The following TENT5C variants were observed in gnomAD, a reference collection of about 807,000 sequenced individuals.
The protein encoded by TENT5C is family with sequence similarity 46 member C.
Under a neutral mutation model 22.2 loss-of-function variants are expected in TENT5C, and 5 were observed. The ratio of observed to expected loss-of-function variants is 0.22; its 90% CI spans 0.12 to 0.47. The LOEUF (loss-of-function observed/expected upper bound fraction) is 0.47. TENT5C is among the 20% of genes least tolerant of loss of function. The pLI, the probability that TENT5C is intolerant of heterozygous loss-of-function variation, is 0.99. For missense variants in TENT5C, 364 were observed against 500.9 expected, an observed-to-expected ratio of 0.73 and a Z score of 2.61; for synonymous variants, 199 against 195.4, an observed-to-expected ratio of 1.02 and a Z score of -0.15.
At chr1:117,611,593 G>T (rs1653672489) in intron 1 of TENT5C, among the ~76,000 whole-genome samples, 1 of 152,194 alleles carries the variant, frequency 6.6e-6, no homozygotes. Flanking sequence ...GTAACCTCAG[G>T]ACTTTGGGAG....
intron 1 of TENT5C, among the ~76,000 whole-genome samples, chr1:117,614,726 C>G (rs1653744111): frequency 6.6e-6 from 1 of 152,142 alleles, no homozygotes; most frequent in South Asian, 2.1e-4. Flanking sequence ...TTCCTTTATT[C>G]CATGAGCAAA....
intron 1 of TENT5C, among the ~76,000 whole-genome samples, chr1:117,614,359 A>G (rs567870129): frequency 3.9e-5 from 6 of 152,340 alleles, no homozygotes; most frequent in Admixed American, 2.0e-4. Flanking sequence ...ACCAAGGTCC[A>G]TGGTCATTCG....
rs1333670174 is a variant in TENT5C at position 117,628,322 on chromosome 1, G to C, written c.*4278G>C. 8.1e-6 allele frequency: 2 copies of C among 245,564 alleles called. No individual in the cohort carries two copies. The highest frequency in any genetic ancestry group is 1.7e-5 in the Non-Finnish European group (2 of 116,608). 15.2% of individuals were successfully genotyped at this position (245,564 alleles called of 1,614,324 possible). A position where few individuals can be genotyped will look rare whatever the true frequency, so the allele number is the denominator to read the frequency against. On this transcript the variant is annotated 3_prime_UTR_variant, in exon 2 of 2. Transcript: ENST00000369448. Reference sequence around the variant, plus strand: ...GTCAATGCAAAATGTGTTAGAACTTGATAAAGCTTTGAGTTTGAGAAATAA... The same window carrying C: ...GTCAATGCAAAATGTGTTAGAACTTCATAAAGCTTTGAGTTTGAGAAATAA...
intron 1 of TENT5C, among the ~76,000 whole-genome samples, chr1:117,622,561 C>T (rs943957698): frequency 1.3e-5 from 2 of 152,056 alleles, no homozygotes; most frequent in East Asian, 1.9e-4. Flanking sequence ...TTGAAACACA[C>T]TCCGTTTCAG....
rs141165173 is a variant in TENT5C, at chr1:117,623,786, C to T, written c.918C>T (p.Tyr306=). The T allele has an allele frequency of 2.5e-5, 41 of 1,614,074 alleles. No homozygotes were observed. In the African/African-American group the frequency reaches 4.7e-4, roughly 18 times the overall value. Residue 306 remains tyrosine (Y), a synonymous_variant, in exon 2 of 2, where the codon TAC becomes TAT. Coordinates refer to ENST00000369448, the MANE Select transcript of TENT5C (RefSeq NM_017709.4). ...AAGAAGAGAGAAGCAAGTACGACTA[C>T]CTCATGATCCTTCGCAGGGTGGTGA... ...FAEEERSKYD[Y]LMILRRVVNE...
rs200082507 is a variant in TENT5C at position 117,623,780 on chromosome 1, C to T, written c.912C>T (p.Tyr304=). 314 of 1,614,160 alleles carry T rather than the reference C, an allele frequency of 1.9e-4. No individual in the cohort carries two copies. Among genetic ancestry groups the T allele is most frequent in the South Asian group, 7.7e-5 (7 of 91,086 alleles). Residue 304 remains tyrosine, a synonymous_variant, in exon 2 of 2, where the codon TAC becomes TAT. Transcript: ENST00000369448. ...NHFAEEERSK[Y]DYLMILRRVV... is the part of the protein sequence containing the mutation. ...TCGCTGAAGAAGAGAGAAGCAAGTA[C>T]GACTACCTCATGATCCTTCGCAGGG...
chr1:117,628,243 G>T lies in TENT5C; in HGVS notation c.*4199G>T. 4.0e-6 allele frequency: 1 copy of T among 247,296 alleles called. No homozygotes were observed. The highest frequency in any genetic ancestry group is 8.5e-6 in the Non-Finnish European group (1 of 117,700). 15.3% of individuals were successfully genotyped at this position (247,296 alleles called of 1,614,324 possible). The stretch of plus-strand genomic sequence containing the variant: ...ATTTCTTAGTGCCTAGGAGGTCTGG[G>T]GATTCCTCTTTCGTGGTGGTCACTA... On this transcript the variant is annotated 3_prime_UTR_variant, in exon 2 of 2. Transcript: ENST00000369448.
At position 117,614,856 on chromosome 1, in the gene TENT5C, T is replaced by C. The variant is rs193130990; in HGVS notation, c.-27-7986T>C. Among the ~76,000 whole-genome samples, 758 of 152,346 alleles carry C rather than the reference T, an allele frequency of 5.0e-3. 8 individuals are homozygous for C. The highest frequency in any genetic ancestry group is 0.024 in the South Asian group (115 of 4,828). ...GGCGACTGTGCAGCACCTTCCACTC[T>C]TGGGTTCTCTCTCTCTTCTGGACTT... On this transcript the variant is annotated intron_variant, in intron 1 of 1. Transcript: ENST00000369448.
chr1:117,607,267 C>G (rs999011495), intron 1 of TENT5C, among the ~76,000 whole-genome samples: 2 of 152,188 alleles, frequency 1.3e-5, no homozygotes, highest in Non-Finnish European at 2.9e-5. Context: ...AGTGTCAGCT[C>G]CCTTCCCCTT....
At position 117,624,152 on chromosome 1, in the gene TENT5C, G is replaced by T. The variant is rs1170429050; in HGVS notation, c.*108G>T. 4.7e-6 allele frequency: 4 copies of T among 859,458 alleles called. No homozygotes were observed. The South Asian group carries it at 7.5e-5, about 16-fold the overall frequency. The allele number at this position is 859,458 out of a possible 1,614,324, so 53.2% of individuals were successfully genotyped here. The stretch of plus-strand genomic sequence containing the variant: ...CATTTGGCTTTTAAAGGGGAACTCA[G>T]CTCTGATTCTGCTTTTTTTTTTTTT... On this transcript the variant is annotated 3_prime_UTR_variant, in exon 2 of 2. Transcript: ENST00000369448.
At position 117,625,813 on chromosome 1, in the gene TENT5C, G is replaced by A. The variant is rs531050479; in HGVS notation, c.*1769G>A. Reference sequence around the variant, plus strand: ...TCTTAAAAGCAGATCAGCCATGACTGAAACTCAAGGCTTAGCTGGTATCTA... The same window carrying A: ...TCTTAAAAGCAGATCAGCCATGACTAAAACTCAAGGCTTAGCTGGTATCTA... On this transcript the variant is annotated 3_prime_UTR_variant, in exon 2 of 2. Coordinates refer to ENST00000369448, the MANE Select transcript of TENT5C (RefSeq NM_017709.4). 1 of 248,068 alleles carries A rather than the reference G, an allele frequency of 4.0e-6. No homozygotes were observed. The highest frequency in any genetic ancestry group is 6.0e-5 in the East Asian group (1 of 16,576). The allele number at this position is 248,068 out of a possible 1,614,324, so 15.4% of individuals were successfully genotyped here. A position where few individuals can be genotyped will look rare whatever the true frequency, so the allele number is the denominator to read the frequency against.
At chr1:117,616,644 G>A (rs1229226888) in intron 1 of TENT5C, among the ~76,000 whole-genome samples, 2 of 152,218 alleles carry the variant, frequency 1.3e-5, no homozygotes, top group African/African-American at 4.8e-5. Flanking sequence ...CTTACCTTGG[G>A]TTAGAAAGTT....
chr1:117,613,353 G>A lies in TENT5C; in HGVS notation c.-28+7200G>A, dbSNP rs1029862687. ...TACCTTTCAACACTTGAACTTGTGT[G>A]GCATCCCTGCTGTAATATCTAGGCC... On this transcript the variant is annotated intron_variant, in intron 1 of 1. Coordinates refer to ENST00000369448, the MANE Select transcript of TENT5C (RefSeq NM_017709.4). Among the ~76,000 whole-genome samples, 4 of 152,162 alleles carry A rather than the reference G, an allele frequency of 2.6e-5. No homozygotes were observed. The East Asian group carries it at 7.7e-4, about 29-fold the overall frequency.
chr1:117,607,430 G>A (rs1440598589), intron 1 of TENT5C, among the ~76,000 whole-genome samples: 3 of 152,220 alleles, frequency 2.0e-5, no homozygotes, highest in African/African-American at 7.2e-5. Flanking sequence ...CTTATAGTAA[G>A]AAAGCTTTTA....
At position 117,623,141 on chromosome 1, in the gene TENT5C, G is replaced by A. The variant is rs562540256; in HGVS notation, c.273G>A (p.Leu91=). 1,043 of 1,614,174 alleles carry A rather than the reference G, an allele frequency of 6.5e-4. 16 individuals carry two copies. The South Asian group carries it at 0.011, about 17-fold the overall frequency. ...ACAATGGCTTGGGCTGCAAAGACCT[G>A]GACCTAATCTTCCATGTGGCTCTTC... is the stretch of plus-strand genomic sequence containing the variant. ...VKDNGLGCKD[L]DLIFHVALPT... Residue 91 remains leucine (L), a synonymous_variant, in exon 2 of 2, where the codon CTG becomes CTA. Coordinates refer to ENST00000369448, the MANE Select transcript of TENT5C (RefSeq NM_017709.4).
At chr1:117,621,202 G>A (rs826405) in intron 1 of TENT5C, among the ~76,000 whole-genome samples, 12,673 of 151,988 alleles carry the variant, frequency 0.083, 587 homozygotes, top group African/African-American at 0.13. Context: ...GCAATAGAGC[G>A]CTCATCCCCA....
intron 1 of TENT5C, among the ~76,000 whole-genome samples, chr1:117,615,826 AGAGAGTAAAGGCT>A (rs1653769870): frequency 1.3e-5 from 2 of 152,258 alleles, no homozygotes; most frequent in Admixed American, 6.5e-5. Flanking sequence ...GCACAAAAGC[AGAGAGTAAAGGCT>A]GATTCCAGCT....
At chr1:117,619,137 C>G (rs964050026) in intron 1 of TENT5C, among the ~76,000 whole-genome samples, 1 of 152,146 alleles carries the variant, frequency 6.6e-6, no homozygotes, top group Non-Finnish European at 1.5e-5. Flanking sequence ...TGTATACTTG[C>G]AAATATACTA....
At chr1:117,609,443 G>A (rs1374740647) in intron 1 of TENT5C, among the ~76,000 whole-genome samples, 1 of 152,016 alleles carries the variant, frequency 6.6e-6, no homozygotes, top group Non-Finnish European at 1.5e-5. Context: ...CCTGTAGGAT[G>A]TTTTTTAGTG....
Sources: gnomAD v4.1 joint callset for allele counts (sites outside exome capture counted in the v4.1 genomes callset) on GRCh38, gnomAD v4.1.1 for gene constraint, MANE v1.5 for transcripts, NCBI Gene and HGNC (gene_info 2026-07-23, HGNC 2026-07-21) for gene names.